SLC25A21: variants seen among roughly 807,000 people sequenced by gnomAD.
The protein encoded by SLC25A21 is mitochondrial 2-oxodicarboxylate carrier.
In SLC25A21, 47 loss-of-function variants were observed where a neutral mutation model predicts 43.8. The ratio of observed to expected loss-of-function variants is 1.07; its 90% CI spans 0.85 to 1.37. The LOEUF is 1.37. Among genes scored for constraint, SLC25A21 ranks in the 40% most tolerant of loss-of-function variants. SLC25A21 has a pLI of 0.00. For missense variants in SLC25A21, 352 were observed against 350.2 expected, an observed-to-expected ratio of 1.00 and a Z score of -0.04; for synonymous variants, 131 against 121.3, an observed-to-expected ratio of 1.08 and a Z score of -0.52.
At chr14:37,052,572 A>T (rs768264322) in intron 1 of SLC25A21, among the ~76,000 whole-genome samples, 10 of 152,158 alleles carry the variant, frequency 6.6e-5, no homozygotes, top group Non-Finnish European at 1.5e-4. Context: ...TTTTAATTCA[A>T]ATTTTGAAAA....
At chr14:37,007,193 G>T (rs1489410407) in intron 1 of SLC25A21, among the ~76,000 whole-genome samples, 1 of 152,198 alleles carries the variant, frequency 6.6e-6, no homozygotes, top group Non-Finnish European at 1.5e-5. Flanking sequence ...GTTATTCCAA[G>T]AATTGCTCTT....
chr14:36,891,932 G>C (rs1891083742), intron 1 of SLC25A21, among the ~76,000 whole-genome samples: 1 of 152,144 alleles, frequency 6.6e-6, no homozygotes. Flanking sequence ...TGCTGACCTG[G>C]AAATTACAAT....
chr14:37,041,629 A>G (rs1961474316), intron 1 of SLC25A21, among the ~76,000 whole-genome samples: 3 of 152,226 alleles, frequency 2.0e-5, no homozygotes, highest in Non-Finnish European at 4.4e-5. Flanking sequence ...TTAACTAAAT[A>G]TATAAAAGAG....
intron 1 of SLC25A21, among the ~76,000 whole-genome samples, chr14:36,891,244 G>T (rs1891064209): frequency 6.6e-6 from 1 of 152,224 alleles, no homozygotes; most frequent in Admixed American, 6.5e-5. Flanking sequence ...GAATTCTACA[G>T]GGTGACTACA....
rs140111845 is a variant in SLC25A21, at chr14:36,719,854, G to C, written c.438+5716C>G. Among the ~76,000 whole-genome samples, 188 of 152,352 alleles carry C rather than the reference G, an allele frequency of 1.2e-3. 4 individuals are homozygous for C. In the East Asian group the frequency reaches 0.031, roughly 25 times the overall value. ...ATACTTCTGACTGGGTACAGGATCAGAGAGGAGAGCCCGGGGCAGCTGGAG... is the reference window on the plus strand; with the variant it reads ...ATACTTCTGACTGGGTACAGGATCACAGAGGAGAGCCCGGGGCAGCTGGAG... On this transcript the variant is annotated intron_variant, in intron 6 of 9. Coordinates refer to ENST00000331299, the MANE Select transcript of SLC25A21 (RefSeq NM_030631.4).
chr14:36,980,618 T>G (rs866172487), intron 1 of SLC25A21, among the ~76,000 whole-genome samples: 1 of 152,246 alleles, frequency 6.6e-6, no homozygotes, highest in Admixed American at 6.5e-5. Context: ...GTCTTCTCTA[T>G]GCTGTTTACT....
intron 9 of SLC25A21, among the ~76,000 whole-genome samples, chr14:36,683,061 G>A (rs1882355414): frequency 6.6e-6 from 1 of 152,196 alleles, no homozygotes; most frequent in African/African-American, 2.4e-5. Context: ...TTACCAGTAT[G>A]TATAAGTAGG....
chr14:37,075,446 T>C (rs1220433856), intron 1 of SLC25A21, among the ~76,000 whole-genome samples: 2 of 152,210 alleles, frequency 1.3e-5, no homozygotes, highest in Admixed American at 6.5e-5. Flanking sequence ...AAGGTCACAA[T>C]TGTATTGGTA....
intron 1 of SLC25A21, among the ~76,000 whole-genome samples, chr14:36,877,579 T>C (rs1043995687): frequency 2.6e-5 from 4 of 151,856 alleles, no homozygotes; most frequent in African/African-American, 2.4e-5. Context: ...TAAGAACAAA[T>C]AGTAATGCAT....
At chr14:37,018,708 A>T (rs1822090079) in intron 1 of SLC25A21, among the ~76,000 whole-genome samples, 1 of 151,918 alleles carries the variant, frequency 6.6e-6, no homozygotes, top group African/African-American at 2.4e-5. Context: ...ATCTGTTTTT[A>T]AAACACAATT....
intron 1 of SLC25A21, among the ~76,000 whole-genome samples, chr14:36,930,961 T>C (rs556671220): frequency 2.0e-5 from 3 of 152,272 alleles, no homozygotes; most frequent in Admixed American, 6.5e-5. Context: ...CTAGCTCCTA[T>C]ACATGCTTCA....
chr14:37,130,409 A>T (rs146721259), intron 1 of SLC25A21, among the ~76,000 whole-genome samples: 1 of 152,346 alleles, frequency 6.6e-6, no homozygotes, highest in African/African-American at 2.4e-5. Context: ...CACGACATAC[A>T]TCCTTGAAGA....
intron 1 of SLC25A21, among the ~76,000 whole-genome samples, chr14:37,044,439 G>C (rs1357470604): frequency 6.6e-6 from 1 of 151,972 alleles, no homozygotes. Context: ...TCAAACTAAA[G>C]GTACTCTTAT....
chr14:36,750,698 G>A (rs778672448), intron 3 of SLC25A21, among the ~76,000 whole-genome samples: 10 of 151,886 alleles, frequency 6.6e-5, no homozygotes, highest in Admixed American at 3.9e-4. Flanking sequence ...ACTTCACATT[G>A]AAAAATTAAA....
intron 1 of SLC25A21, among the ~76,000 whole-genome samples, chr14:36,977,386 T>G (rs1399624618): frequency 6.6e-6 from 1 of 152,202 alleles, no homozygotes; most frequent in Non-Finnish European, 1.5e-5. Context: ...ATGCTTGTGC[T>G]TGAATAAATT....
At chr14:37,133,318 T>C (rs571324694) in intron 1 of SLC25A21, among the ~76,000 whole-genome samples, 2 of 152,152 alleles carry the variant, frequency 1.3e-5, no homozygotes, top group African/African-American at 4.8e-5. Context: ...TATTCCCCAG[T>C]CCCTCTGTTG....
At chr14:37,106,211 A>G (rs1962909559) in intron 1 of SLC25A21, among the ~76,000 whole-genome samples, 1 of 152,168 alleles carries the variant, frequency 6.6e-6, no homozygotes, top group Non-Finnish European at 1.5e-5. Flanking sequence ...AAGGGAAGAT[A>G]ACCATAAGGT....
At chr14:37,048,491 T>C (rs1379048522) in intron 1 of SLC25A21, among the ~76,000 whole-genome samples, 4 of 147,108 alleles carry the variant, frequency 2.7e-5, no homozygotes, top group Middle Eastern at 3.6e-3. Context: ...AAAAAAAAAA[T>C]GTACCTCTAC....
chr14:36,680,548 C>T lies in SLC25A21; in HGVS notation c.*110G>A. ...TATTAAAATAGATTTTGTTCTTGAA[C>T]AGTTTTCTCCTTCATAATTATACAC... On this transcript the variant is annotated 3_prime_UTR_variant, in exon 10 of 10. Transcript: ENST00000331299. The T allele has an allele frequency of 1.4e-6, 2 of 1,397,000 alleles. No individual in the cohort carries two copies. The highest frequency in any genetic ancestry group is 2.6e-5 in the East Asian group (1 of 38,236). The allele number at this position is 1,397,000 out of a possible 1,614,324, so 86.5% of individuals were successfully genotyped here. A position where few individuals can be genotyped will look rare whatever the true frequency, so the allele number is the denominator to read the frequency against.
Sources: allele counts gnomAD v4.1 joint callset (sites outside exome capture counted in the v4.1 genomes callset), GRCh38; gene constraint gnomAD v4.1.1; transcripts MANE v1.5; gene names NCBI Gene and HGNC (gene_info 2026-07-23, HGNC 2026-07-21).